Variants in ARK2N observed in about 807,000 individuals in gnomAD.
ARK2N encodes the protein protein ARK2N.
At chr18:46,190,426 T>TAAAC in the ARK2N span, among the ~76,000 whole-genome samples, 22 of 18,436 alleles carry the variant, frequency 1.2e-3, no homozygotes, top group Admixed American at 2.0e-3. Context: ...AGTCTGAGGT[T>TAAAC]GCGGTGAGCT....
chr18:46,202,674 G>T, the ARK2N span, among the ~76,000 whole-genome samples: 1 of 151,690 alleles, frequency 6.6e-6, no homozygotes, highest in African/African-American at 2.4e-5. Flanking sequence ...TGTAATCCCG[G>T]CTACTCAGAA....
At chr18:46,232,704 T>C in the ARK2N span, 2 of 152,196 alleles carry the variant, frequency 1.3e-5, no homozygotes, top group African/African-American at 4.8e-5. Flanking sequence ...GTAGATATTC[T>C]CATGTTGTAT....
the ARK2N span, among the ~76,000 whole-genome samples, chr18:46,245,519 C>T: frequency 2.7e-5 from 4 of 148,220 alleles, no homozygotes; most frequent in Non-Finnish European, 4.4e-5. Context: ...TGCAGTGAGC[C>T]GAGATTGCAC....
the ARK2N span, among the ~76,000 whole-genome samples, chr18:46,189,332 A>G: frequency 6.6e-6 from 1 of 152,116 alleles, no homozygotes; most frequent in South Asian, 2.1e-4. Context: ...TATGAAATGT[A>G]GATGTGCTTT....
chr18:46,229,804 C>A, the ARK2N span, among the ~76,000 whole-genome samples: 6,541 of 152,000 alleles, frequency 0.043, 363 homozygotes, highest in East Asian at 0.12. Flanking sequence ...GGGTCTTGCT[C>A]TGTTGCCCAG....
At chr18:46,255,754 TTTTC>T in the ARK2N span, among the ~76,000 whole-genome samples, 21 of 152,010 alleles carry the variant, frequency 1.4e-4, no homozygotes, top group African/African-American at 5.1e-4. Context: ...CTTGGCCTCT[TTTTC>T]TTTTTTTTTA....
chr18:46,264,972 C>A, the ARK2N span: 4 of 152,486 alleles, frequency 2.6e-5, no homozygotes, highest in African/African-American at 9.7e-5. Flanking sequence ...TTTAGCAACT[C>A]ATATATCAGT....
At chr18:46,208,531 G>C in the ARK2N span, among the ~76,000 whole-genome samples, 1 of 136,336 alleles carries the variant, frequency 7.3e-6, no homozygotes, top group South Asian at 2.4e-4. Context: ...GTGCAATGGC[G>C]TGATCTCGGC....
chr18:46,201,922 C>T, the ARK2N span, among the ~76,000 whole-genome samples: 27 of 151,956 alleles, frequency 1.8e-4, no homozygotes, highest in African/African-American at 5.8e-4. Context: ...GGATTACAGG[C>T]GGGCGCCATT....
the ARK2N span, among the ~76,000 whole-genome samples, chr18:46,189,084 C>T: frequency 3.3e-5 from 5 of 151,676 alleles, no homozygotes; most frequent in Non-Finnish European, 5.9e-5. Context: ...GCGTGGTGGC[C>T]GGTGCCTCTA....
the ARK2N span, among the ~76,000 whole-genome samples, chr18:46,260,446 C>T: frequency 6.6e-6 from 1 of 152,144 alleles, no homozygotes. Context: ...GTTGTTCCAT[C>T]ATCTTAGGCT....
the ARK2N span, among the ~76,000 whole-genome samples, chr18:46,235,323 CA>C: frequency 2.6e-5 from 4 of 152,226 alleles, no homozygotes; most frequent in African/African-American, 9.7e-5. Context: ...GAGTTGGGTT[CA>C]TCTATGACCA....
At chr18:46,223,322 G>A in the ARK2N span, among the ~76,000 whole-genome samples, 1 of 152,132 alleles carries the variant, frequency 6.6e-6, no homozygotes, top group Non-Finnish European at 1.5e-5. Context: ...TTTAAAAAGT[G>A]AAAACAGCAT....
the ARK2N span, among the ~76,000 whole-genome samples, chr18:46,253,111 G>T: frequency 1.3e-5 from 2 of 152,138 alleles, no homozygotes; most frequent in Admixed American, 6.5e-5. Flanking sequence ...ATGTAGTTTT[G>T]GGTCAGATTT....
At chr18:46,258,389 ATGT>A in the ARK2N span, among the ~76,000 whole-genome samples, 2 of 151,892 alleles carry the variant, frequency 1.3e-5, no homozygotes, top group African/African-American at 2.4e-5. Context: ...ATTAATTTTA[ATGT>A]TGTTTTCTTA....
chr18:46,264,907 T>C, the ARK2N span: 1 of 152,464 alleles, frequency 6.6e-6, no homozygotes, highest in Non-Finnish European at 1.5e-5. Context: ...TTATTTTTTT[T>C]ATTTTTATTT....
chr18:46,216,902 T>C, the ARK2N span: 2 of 296,252 alleles, frequency 6.8e-6, no homozygotes, highest in Non-Finnish European at 1.3e-5. This position sits in a 1 kb window ranked among gnomAD's most constrained non-coding sequence, Gnocchi z 4.3. Context: ...CATTGCCTTT[T>C]TGGCACTGCT....
chr18:46,180,854 A>C, the ARK2N span, among the ~76,000 whole-genome samples: 1 of 152,244 alleles, frequency 6.6e-6, no homozygotes, highest in Admixed American at 6.5e-5. Context: ...ACTGCATAAC[A>C]AAACAACTGT....
the ARK2N span, among the ~76,000 whole-genome samples, chr18:46,198,745 T>C: frequency 2.1e-4 from 32 of 152,142 alleles, no homozygotes; most frequent in African/African-American, 7.5e-4. Context: ...ACTACAGGCG[T>C]GCACCATCAC....
Sources: allele counts gnomAD v4.1 joint callset (sites outside exome capture counted in the v4.1 genomes callset), GRCh38; gene constraint gnomAD v4.1.1; non-coding constraint Gnocchi (gnomAD v3.1); transcripts MANE v1.5; gene names NCBI Gene and HGNC (gene_info 2026-07-23, HGNC 2026-07-21).